The following DDHD2 variants were observed in gnomAD, a reference collection of about 807,000 sequenced individuals.
DDHD2 encodes the protein DDHD domain containing 2, also known as triacylglycerol hydrolase DDHD2.
DDHD2 carries 62 observed loss-of-function variants against 91.2 expected under a neutral mutation model. The observed-to-expected ratio is 0.68, with a 90% CI of 0.55 to 0.84. DDHD2 has a LOEUF of 0.84. Ranked by LOEUF, DDHD2 falls within the 40% of genes least tolerant of loss-of-function variation. The pLI is 0.00. For missense variants in DDHD2, 740 were observed against 846.9 expected (o/e 0.87, Z 1.57); for synonymous variants, 271 against 293.9 (o/e 0.92, Z 0.80).
chr8:38,241,752 A>G (rs896975697), intron 6 of DDHD2, among the ~76,000 whole-genome samples: 3 of 146,750 alleles, frequency 2.0e-5, no homozygotes, highest in Admixed American at 6.8e-5. Context: ...AATATTTTGT[A>G]TGGTAAAAGC....
intron 16 of DDHD2, among the ~76,000 whole-genome samples, chr8:38,258,129 C>A (rs1408890460): frequency 6.6e-6 from 1 of 152,086 alleles, no homozygotes; most frequent in Non-Finnish European, 1.5e-5. Flanking sequence ...CAACACCATG[C>A]CTGGCTATTC....
intron 1 of DDHD2, chr8:38,268,377 A>T: frequency 1.3e-6 from 2 of 1,566,932 alleles, no homozygotes. Flanking sequence ...TCACCCAGGC[A>T]GGCTTGTCTG....
Position 38,240,250 on chromosome 8 carries a change from ATTTTCT to A in DDHD2, c.623-20_623-15del. 1 of 1,444,256 alleles carries A rather than the reference ATTTTCT, an allele frequency of 6.9e-7. No homozygotes were observed. The highest frequency in any genetic ancestry group is 9.7e-7 in the Non-Finnish European group (1 of 1,032,056). The allele number at this position is 1,444,256 out of a possible 1,614,324, so 89.5% of individuals were successfully genotyped here. On this transcript the variant is annotated intron_variant, in intron 5 of 17. Coordinates refer to ENST00000397166, the MANE Select transcript of DDHD2 (RefSeq NM_015214.3). ...AATACATGACTAATTATACAGAATAATTTTCTTTTTAATTTCATTTATAGGAGAACC... is the reference window on the plus strand; with the variant it reads ...AATACATGACTAATTATACAGAATAATTTTAATTTCATTTATAGGAGAACC...
At chr8:38,267,183 G>C, downstream of DDHD2, 1 of 1,610,612 alleles carries the variant, frequency 6.2e-7, no homozygotes, top group Non-Finnish European at 8.5e-7. Flanking sequence ...AGAGTAGTCA[G>C]ATTTTCCCAT....
At chr8:38,272,633 C>T (rs1808510025), downstream of DDHD2, 1 of 152,238 alleles carries the variant, frequency 6.6e-6, no homozygotes, top group Non-Finnish European at 1.5e-5. Context: ...ATCTTATGTT[C>T]ACTTCTTCCT....
Position 38,246,307 on chromosome 8 carries a change from T to C in DDHD2, c.1125+7T>C. ...GGATATTGACAGTGAAAAGGTAATT[T>C]AGATGTTCAGCTAGGTTTTCTTGTA... On this transcript the variant is annotated splice_region_variant and intron_variant, in intron 9 of 17. Transcript: ENST00000397166. 1 of 1,597,830 alleles carries C rather than the reference T, an allele frequency of 6.3e-7. No homozygotes were observed. Among genetic ancestry groups the C allele is most frequent in the Non-Finnish European group, 8.6e-7 (1 of 1,167,702 alleles).
chr8:38,257,238 GTTTTTTTT>G (rs749469533), intron 16 of DDHD2, among the ~76,000 whole-genome samples: 1 of 63,804 alleles, frequency 1.6e-5, no homozygotes, highest in Non-Finnish European at 3.1e-5. Context: ...TGGCCAACAA[GTTTTTTTT>G]TTTTTTTTTT....
intron 3 of DDHD2, among the ~76,000 whole-genome samples, chr8:38,236,408 C>T (rs1308303360): frequency 6.7e-6 from 1 of 150,096 alleles, no homozygotes; most frequent in Non-Finnish European, 1.5e-5. Context: ...AGGCTGGAGT[C>T]CAGTGGTGCG....
chr8:38,249,858 G>A, intron 11 of DDHD2, 55 bp downstream of exon 11: 1 of 1,224,192 alleles, frequency 8.2e-7, no homozygotes. Flanking sequence ...TCCATAGTGT[G>A]TCCTTGTGCT....
chr8:38,248,345 G>A (rs1388215683), intron 10 of DDHD2, among the ~76,000 whole-genome samples: 1 of 149,920 alleles, frequency 6.7e-6, no homozygotes, highest in Non-Finnish European at 1.5e-5. Flanking sequence ...ACATGTGTGA[G>A]CCACCGTGCC....
At chr8:38,247,116 ATTTCTTTTTTTTC>A (rs1171786796) in intron 9 of DDHD2, 1 of 136,134 alleles carries the variant, frequency 7.3e-6, no homozygotes, top group Non-Finnish European at 1.6e-5. Context: ...TTCTATTTCT[ATTTCTTTTTTTTC>A]TTTCTTTTTT....
At chr8:38,233,722 G>A (rs1804473457) in intron 2 of DDHD2, among the ~76,000 whole-genome samples, 1 of 152,034 alleles carries the variant, frequency 6.6e-6, no homozygotes, top group South Asian at 2.1e-4. Context: ...TGAGGTCAGA[G>A]TTTGAGATTA....
rs1482866862 is a variant in DDHD2 at position 38,252,213 on chromosome 8, G to A, written c.1543G>A (p.Val515Ile). ...ATCTCCCATTGGAATGTTCCTTACT[G>A]TCCGAGGACTAAAAAGAATTGATCC... ...FGSPIGMFLT[V>I]RGLKRIDPNY... The change falls in exon 13 of 18, where the codon GTC becomes ATC. Residue 515 changes from valine to isoleucine, a missense_variant. Around this residue, in one of 2 missense-constraint regions of DDHD2, gnomAD observed 693 missense variants for 764.2 expected, o/e 0.91. Transcript: ENST00000397166. The A allele has an allele frequency of 6.2e-7, 1 of 1,614,072 alleles. No individual in the cohort carries two copies. Among genetic ancestry groups the A allele is most frequent in the Non-Finnish European group, 8.5e-7 (1 of 1,180,028 alleles).
In DDHD2 at chr8:38,261,529, C is replaced by A. The variant is rs151086164; in HGVS notation, c.*956C>A. On this transcript the variant is annotated 3_prime_UTR_variant, in exon 18 of 18. Coordinates refer to ENST00000397166, the MANE Select transcript of DDHD2 (RefSeq NM_015214.3). ...TAAGGTAGTATTGTGTATCCTCTTT[C>A]CTTCTTAGGTATCCATAATCCACAA... 6.6e-6 allele frequency: 1 copy of A among 152,236 alleles called. No individual in the cohort carries two copies. Among genetic ancestry groups the A allele is most frequent in the Admixed American group, 6.5e-5 (1 of 15,280 alleles). The allele number at this position is 152,236 out of a possible 1,614,324, so 9.4% of individuals were successfully genotyped here. A position where few individuals can be genotyped will look rare whatever the true frequency, so the allele number is the denominator to read the frequency against.
At chr8:38,273,625 A>G (rs566555600), downstream of DDHD2, 1 of 152,370 alleles carries the variant, frequency 6.6e-6, no homozygotes, top group Non-Finnish European at 1.5e-5. Flanking sequence ...TCATATACAA[A>G]ATAAAATTTT....
At position 38,261,191 on chromosome 8, in the gene DDHD2, G is replaced by C. The variant is rs1806993959; in HGVS notation, c.*618G>C. 6.6e-6 allele frequency: 1 copy of C among 152,332 alleles called. No homozygotes were observed. Among genetic ancestry groups the C allele is most frequent in the East Asian group, 1.9e-4 (1 of 5,188 alleles). The allele number at this position is 152,332 out of a possible 1,614,324, so 9.4% of individuals were successfully genotyped here. On this transcript the variant is annotated 3_prime_UTR_variant, in exon 18 of 18. Coordinates refer to ENST00000397166, the MANE Select transcript of DDHD2 (RefSeq NM_015214.3). ...GTTGTTTACTCTCTTAGAACTGACAGACTTATTGCCAGAAATCACTGATGT... is the reference window on the plus strand; with the variant it reads ...GTTGTTTACTCTCTTAGAACTGACACACTTATTGCCAGAAATCACTGATGT...
At chr8:38,266,399 T>G, downstream of DDHD2, 1 of 1,211,446 alleles carries the variant, frequency 8.3e-7, no homozygotes, top group Non-Finnish European at 1.2e-6. Context: ...AGCATGAGTA[T>G]GTTTTTATTT....
At chr8:38,236,663 G>A (rs1585702351) in intron 3 of DDHD2, among the ~76,000 whole-genome samples, 1 of 152,142 alleles carries the variant, frequency 6.6e-6, no homozygotes, top group East Asian at 1.9e-4. Flanking sequence ...TTACAGGCAT[G>A]TGCCACAATG....
intron 10 of DDHD2, 97 bp downstream of exon 10, chr8:38,247,932 T>C (rs1251584652): frequency 2.2e-6 from 2 of 907,330 alleles, no homozygotes; most frequent in Non-Finnish European, 3.3e-6. Context: ...TTTTTAGTCA[T>C]AAATACTTTA....
Sources: allele counts gnomAD v4.1 joint callset (sites outside exome capture counted in the v4.1 genomes callset), GRCh38; gene constraint gnomAD v4.1.1; regional missense constraint gnomAD v4.1.1; transcripts MANE v1.5; gene names NCBI Gene and HGNC (gene_info 2026-07-23, HGNC 2026-07-21).